Variants in GATB observed in about 807,000 individuals in gnomAD.
GATB encodes the protein glutamyl-tRNA amidotransferase subunit B.
A neutral mutation model predicts 62.3 loss-of-function variants in GATB; 39 were observed. That is an observed-to-expected ratio of 0.63 (90% CI 0.48 to 0.82). The LOEUF (loss-of-function observed/expected upper bound fraction) is 0.82, where lower values mean the gene tolerates loss of function less well. Among genes scored for constraint, GATB ranks in the 40% least tolerant of loss-of-function variants. GATB has a pLI of 0.00. For synonymous variants in GATB, 276 were observed against 258.9 expected (o/e 1.07, Z -0.63); for missense variants, 670 against 684.0 (o/e 0.98, Z 0.23).
chr4:151,740,503 G>A (rs144065282), intron 2 of GATB, among the ~76,000 whole-genome samples: 1 of 152,302 alleles, frequency 6.6e-6, no homozygotes, highest in Non-Finnish European at 1.5e-5. Flanking sequence ...ATGACAAGAT[G>A]GCTATGACAT....
In GATB at chr4:151,735,280, G is replaced by C. The variant is rs564470198; in HGVS notation, c.328-15742C>G. ...CAATCCCATCAGAAAGTGGGCTAAG[G>C]GCATGAATAGACAATTCTCAAAAGA... On this transcript the variant is annotated intron_variant, in intron 2 of 12. Coordinates refer to ENST00000263985, the MANE Select transcript of GATB (RefSeq NM_004564.3). 2.0e-5 allele frequency among the ~76,000 whole-genome samples: 3 copies of C among 149,636 alleles called. No individual in the cohort carries two copies. The East Asian group carries it at 5.8e-4, about 29-fold the overall frequency.
chr4:151,693,085 G>C (rs944382303), intron 9 of GATB, among the ~76,000 whole-genome samples: 1 of 152,132 alleles, frequency 6.6e-6, no homozygotes, highest in Non-Finnish European at 1.5e-5. Flanking sequence ...CATCACCTGC[G>C]TATCAACGCA....
intron 2 of GATB, among the ~76,000 whole-genome samples, chr4:151,744,523 G>A (rs1187737616): frequency 6.6e-6 from 1 of 152,138 alleles, no homozygotes; most frequent in Non-Finnish European, 1.5e-5. Flanking sequence ...GTGGAGGCAG[G>A]AGGACTCCTT....
chr4:151,716,416 G>A (rs573281208), intron 4 of GATB, among the ~76,000 whole-genome samples: 1 of 151,992 alleles, frequency 6.6e-6, no homozygotes, highest in South Asian at 2.1e-4. Context: ...CTGAATAGCT[G>A]GGGATACAGG....
At chr4:151,758,219 G>A (rs930016984) in intron 2 of GATB, among the ~76,000 whole-genome samples, 1 of 152,094 alleles carries the variant, frequency 6.6e-6, no homozygotes, top group African/African-American at 2.4e-5. Flanking sequence ...CTTGCTTTGA[G>A]TTGACTCCTC....
intron 10 of GATB, among the ~76,000 whole-genome samples, chr4:151,686,652 G>GCCCCGC (rs1312222191): frequency 0.19 from 13,460 of 70,742 alleles, 1,194 homozygotes; most frequent in African/African-American, 0.27. Flanking sequence ...TCCCCGCCCC[G>GCCCCGC]CCCCCCCCCC....
chr4:151,674,380 GA>G (rs1737951490), intron 11 of GATB: 1 of 152,188 alleles, frequency 6.6e-6, no homozygotes, highest in Admixed American at 6.5e-5. Flanking sequence ...TAAGTCGGAG[GA>G]GTCCATCTGC....
intron 9 of GATB, among the ~76,000 whole-genome samples, chr4:151,697,981 A>ATATATATGTGTG (rs1738521013): frequency 7.5e-6 from 1 of 133,010 alleles, no homozygotes; most frequent in African/African-American, 3.0e-5. Context: ...ATATATATAT[A>ATATATATGTGTG]TATATATATA....
intron 2 of GATB, among the ~76,000 whole-genome samples, chr4:151,753,395 C>T (rs946098794): frequency 6.6e-6 from 1 of 152,148 alleles, no homozygotes; most frequent in African/African-American, 2.4e-5. Context: ...TCAGTTCTCG[C>T]TAGTGTCCCT....
At chr4:151,686,652 G>GCCCAGCC (rs1738253261) in intron 10 of GATB, among the ~76,000 whole-genome samples, 1 of 70,922 alleles carries the variant, frequency 1.4e-5, no homozygotes, top group Non-Finnish European at 2.7e-5. Flanking sequence ...TCCCCGCCCC[G>GCCCAGCC]CCCCCCCCCC....
At chr4:151,672,978 G>C in intron 11 of GATB, 82 bp from the exon 12 acceptor site, 2 of 1,527,004 alleles carry the variant, frequency 1.3e-6, no homozygotes, top group South Asian at 2.5e-5. Flanking sequence ...GTGCTGTGTG[G>C]AGCTGGGGTG....
chr4:151,687,804 G>C (rs1738281861), intron 10 of GATB, among the ~76,000 whole-genome samples: 2 of 152,188 alleles, frequency 1.3e-5, no homozygotes, highest in Non-Finnish European at 2.9e-5. Context: ...GAGCCAGGCA[G>C]AGGGCTTCAC....
rs145467910 is a variant in GATB at position 151,678,474 on chromosome 4, G to A, written c.1410+1339C>T. Among the ~76,000 whole-genome samples the A allele has an allele frequency of 1.9e-3, 289 of 151,666 alleles. 2 individuals carry two copies. Among genetic ancestry groups the A allele is most frequent in the Middle Eastern group, 0.014 (4 of 294 alleles). ...CTCTCTCTCTACATATATATATAGT[G>A]CTTTTTCTGCCCTCAGGCCATCTAA... On this transcript the variant is annotated intron_variant, in intron 11 of 12. Coordinates refer to ENST00000263985, the MANE Select transcript of GATB (RefSeq NM_004564.3).
At chr4:151,702,620 T>C (rs1738628650) in intron 8 of GATB, among the ~76,000 whole-genome samples, 1 of 152,178 alleles carries the variant, frequency 6.6e-6, no homozygotes, top group Non-Finnish European at 1.5e-5. Flanking sequence ...GTGAGAACTC[T>C]GGACGTTCCA....
intron 2 of GATB, among the ~76,000 whole-genome samples, chr4:151,724,970 A>G (rs1739109432): frequency 6.6e-6 from 1 of 152,242 alleles, no homozygotes; most frequent in South Asian, 2.1e-4. Context: ...TACAAAATGT[A>G]TGAATCAGGA....
intron 4 of GATB, 127 bp from the exon 5 acceptor site, chr4:151,716,258 C>A: frequency 3.6e-4 from 235 of 643,902 alleles, no homozygotes; most frequent in Non-Finnish European, 5.0e-4. Flanking sequence ...GCCTCTCAAT[C>A]ATTTCTCTTC....
At chr4:151,724,822 A>C (rs1739104393) in intron 2 of GATB, among the ~76,000 whole-genome samples, 1 of 152,128 alleles carries the variant, frequency 6.6e-6, no homozygotes, top group South Asian at 2.1e-4. Flanking sequence ...GAGGGCAATC[A>C]GGTCATTTTG....
intron 11 of GATB, chr4:151,675,774 C>A (rs1737987675): frequency 1.3e-5 from 2 of 152,214 alleles, no homozygotes; most frequent in Admixed American, 6.5e-5. Flanking sequence ...AATGGCCGAC[C>A]AGGAGTACTG....
chr4:151,674,602 C>CA (rs1350900546), intron 11 of GATB: 20 of 152,204 alleles, frequency 1.3e-4, no homozygotes, highest in Non-Finnish European at 5.9e-5. Context: ...TGTTTTGTAA[C>CA]ATACTTGGGA....
Sources: gnomAD v4.1 joint callset for allele counts (sites outside exome capture counted in the v4.1 genomes callset) on GRCh38, gnomAD v4.1.1 for gene constraint, MANE v1.5 for transcripts, NCBI Gene and HGNC (gene_info 2026-07-23, HGNC 2026-07-21) for gene names.